ABCC2: variants seen among roughly 807,000 people sequenced by gnomAD.
The protein encoded by ABCC2 is ATP-binding cassette sub-family C member 2.
In ABCC2, 157 loss-of-function variants were observed where a neutral mutation model predicts 173.4. That is an observed-to-expected ratio of 0.91 (90% CI 0.80 to 1.03). The LOEUF (loss-of-function observed/expected upper bound fraction) is 1.03, where lower values mean the gene tolerates loss of function less well. Ranked by LOEUF, ABCC2 falls within the 50% of genes least tolerant of loss-of-function variation. The probability of loss-of-function intolerance (pLI) is 0.00; values close to 1 mark genes in which losing one functional copy is unlikely to be tolerated. For missense variants in ABCC2, 1,822 were observed against 1,852.3 expected (o/e 0.98, Z 0.30); for synonymous variants, 657 against 693.5 (o/e 0.95, Z 0.83).
In ABCC2 at chr10:99,795,765, A is replaced by T. The variant is rs544657117; in HGVS notation, c.632+1297A>T. On this transcript the variant is annotated intron_variant, in intron 6 of 31. Transcript: ENST00000647814. ...AAAGAAAGAAAGAAAGAAAGAAAGA[A>T]AGAAAGAAAGAAAGAAAGAAAGAAA... is the stretch of plus-strand genomic sequence containing the variant. Among the ~76,000 whole-genome samples the T allele has an allele frequency of 1.1e-3, 165 of 145,668 alleles. 2 individuals are homozygous for T. The highest frequency in any genetic ancestry group is 3.7e-3 in the African/African-American group (138 of 37,174).
chr10:99,811,125 G>A (rs986776245), intron 14 of ABCC2, among the ~76,000 whole-genome samples: 1 of 151,790 alleles, frequency 6.6e-6, no homozygotes, highest in Non-Finnish European at 1.5e-5. Context: ...GAGTCCAAGA[G>A]TTCGAGACTA....
chr10:99,795,555 C>T (rs1444817059), intron 6 of ABCC2, among the ~76,000 whole-genome samples: 1 of 151,906 alleles, frequency 6.6e-6, no homozygotes, highest in East Asian at 1.9e-4. Flanking sequence ...AAAAATTAGC[C>T]TGGCATGGTG....
intron 21 of ABCC2, 152 bp downstream of exon 21, chr10:99,831,003 G>A: frequency 1.2e-6 from 1 of 844,048 alleles, no homozygotes; most frequent in South Asian, 1.6e-5. Flanking sequence ...CCTGTTAGCA[G>A]AGGCTGTGGG....
chr10:99,814,767 ATG>A (rs749137933), intron 16 of ABCC2, among the ~76,000 whole-genome samples: 46 of 129,104 alleles, frequency 3.6e-4, no homozygotes, highest in South Asian at 7.3e-4. Flanking sequence ...ACACACATAT[ATG>A]TGTGTGTATG....
intron 29 of ABCC2, among the ~76,000 whole-genome samples, 160 bp downstream of exon 29, chr10:99,845,942 A>G (rs2039010524): frequency 6.6e-6 from 1 of 152,200 alleles, no homozygotes; most frequent in African/African-American, 2.4e-5. Flanking sequence ...CGTCATTTCC[A>G]GAACTTTGAA....
At chr10:99,787,866 C>T (rs2037744070) in intron 2 of ABCC2, among the ~76,000 whole-genome samples, 1 of 151,936 alleles carries the variant, frequency 6.6e-6, no homozygotes, top group Non-Finnish European at 1.5e-5. Context: ...ATTTCGAGAC[C>T]AGCCTGGCCA....
chr10:99,816,228 T>C lies in ABCC2; in HGVS notation c.2095-1080T>C, dbSNP rs200138573. ...TAATCCACCTGCCTCAGCCTCCCAG[T>C]GTGCTGGAATTACAGGCGTGAGCCA... On this transcript the variant is annotated intron_variant, in intron 16 of 31. Transcript: ENST00000647814. Among the ~76,000 whole-genome samples, 3 of 152,024 alleles carry C rather than the reference T, an allele frequency of 2.0e-5. No individual in the cohort carries two copies. In the East Asian group the frequency reaches 5.8e-4, roughly 29 times the overall value.
At chr10:99,794,319 C>T in intron 5 of ABCC2, 94 bp from the exon 6 acceptor site, 1 of 1,179,154 alleles carries the variant, frequency 8.5e-7, no homozygotes, top group South Asian at 1.3e-5. Flanking sequence ...TCTAGCACAA[C>T]ATTATATCAT....
Position 99,831,679 on chromosome 10 carries a change from T to C in ABCC2, c.2952T>C (p.Leu984=), listed in dbSNP as rs2038740939. The part of the protein sequence containing the change: ...IGLFSIFFII[L]AFVMNSVAFI... ...TGTTTTCGATATTCTTCATCATCCT[T>C]GCGTTTGTGATGAATTCTGTGGCTT... Residue 984 remains leucine (L), a synonymous_variant, in exon 22 of 32, where the codon CTT becomes CTC. Transcript: ENST00000647814. 1 of 1,614,170 alleles carries C rather than the reference T, an allele frequency of 6.2e-7. No homozygotes were observed. Among genetic ancestry groups the C allele is most frequent in the East Asian group, 2.2e-5 (1 of 44,886 alleles).
chr10:99,801,497 A>G (rs1249062866), intron 9 of ABCC2, among the ~76,000 whole-genome samples: 1 of 152,116 alleles, frequency 6.6e-6, no homozygotes, highest in Non-Finnish European at 1.5e-5. Context: ...CAGCCTCCCA[A>G]AGTGCTGGGA....
Position 99,800,475 on chromosome 10 carries a change from A to G in ABCC2, c.1121A>G (p.Gln374Arg), listed in dbSNP as rs767269895. The stretch of plus-strand genomic sequence containing the variant: ...CTCTTATTCACTGCGGCTCTCATTC[A>G]GTCTTTCTGCCTTCAGTGTTATTTC... ...AILLFTAALI[Q>R]SFCLQCYFQL... Residue 374 changes from glutamine to arginine, a missense_variant, in exon 9 of 32, where the codon CAG becomes CGG. Transcript: ENST00000647814. 1 of 1,614,212 alleles carries G rather than the reference A, an allele frequency of 6.2e-7. No homozygotes were observed. The highest frequency in any genetic ancestry group is 8.5e-7 in the Non-Finnish European group (1 of 1,180,038).
At chr10:99,821,914 A>G (rs1273932981) in intron 19 of ABCC2, among the ~76,000 whole-genome samples, 3 of 151,988 alleles carry the variant, frequency 2.0e-5, no homozygotes, top group African/African-American at 7.2e-5. Context: ...GAATCTACTG[A>G]TGGGACTGAC....
chr10:99,798,943 C>G (rs1312705003), intron 7 of ABCC2, among the ~76,000 whole-genome samples: 2 of 152,276 alleles, frequency 1.3e-5, no homozygotes, highest in East Asian at 3.9e-4. Flanking sequence ...CAGGCCCCCA[C>G]GCAGATGGGT....
chr10:99,848,912 A>G (rs944591212), intron 30 of ABCC2, among the ~76,000 whole-genome samples: 2 of 152,158 alleles, frequency 1.3e-5, no homozygotes, highest in African/African-American at 4.8e-5. Context: ...AGATCATTCA[A>G]ACATTCAGTC....
intron 9 of ABCC2, among the ~76,000 whole-genome samples, chr10:99,802,499 GT>G (rs56720847): frequency 0.94 from 138,830 of 147,342 alleles, 65,391 homozygotes; most frequent in East Asian, 1. Context: ...GTTAGTTGTT[GT>G]TTTTTTTTTT....
Position 99,850,811 on chromosome 10 carries a change from A to T in ABCC2, c.4508+15A>T. 1.9e-6 allele frequency: 3 copies of T among 1,613,926 alleles called. No individual in the cohort carries two copies. The highest frequency in any genetic ancestry group is 2.2e-5 in the South Asian group (2 of 91,086). On this transcript the variant is annotated intron_variant, in intron 31 of 31. Coordinates refer to ENST00000647814, the MANE Select transcript of ABCC2 (RefSeq NM_000392.5). ...GACAGTGACAAGTGAGTGTAGGGGGACAGGGCTTGACACGGATGGCTTAAC... is the reference window on the plus strand; with the variant it reads ...GACAGTGACAAGTGAGTGTAGGGGGTCAGGGCTTGACACGGATGGCTTAAC...
chr10:99,843,583 G>A lies in ABCC2; in HGVS notation c.3742-216G>A, dbSNP rs1020607527. 5.3e-5 allele frequency among the ~76,000 whole-genome samples: 8 copies of A among 152,180 alleles called. No homozygotes were observed. In the South Asian group the frequency reaches 6.2e-4, roughly 12 times the overall value. On this transcript the variant is annotated intron_variant, in intron 26 of 31. Coordinates refer to ENST00000647814, the MANE Select transcript of ABCC2 (RefSeq NM_000392.5). ...CCACTAGACACTCACATTGCCCTTC[G>A]CGTGAGCACCTAATTAGTCTGCAGC... is the stretch of plus-strand genomic sequence containing the variant.
intron 2 of ABCC2, chr10:99,789,531 A>G (rs909061241): frequency 6.6e-6 from 1 of 152,412 alleles, no homozygotes; most frequent in Admixed American, 6.5e-5. Flanking sequence ...TCTGGGCAAC[A>G]TGGTGAAACC....
In ABCC2 at chr10:99,810,311, G is replaced by T. The variant is rs1590159788; in HGVS notation, c.1900+93G>T. 1.8e-5 allele frequency: 17 copies of T among 927,746 alleles called. No individual in the cohort carries two copies. In the East Asian group the frequency reaches 4.4e-4, roughly 24 times the overall value. 57.5% of individuals were successfully genotyped at this position (927,746 alleles called of 1,614,324 possible). Reference sequence around the variant, plus strand: ...AGAGCTTAGTAGCAGCAAACTGAGAGAGAGTGTGGAGATTTGTCTTGAGCC... The same window carrying T: ...AGAGCTTAGTAGCAGCAAACTGAGATAGAGTGTGGAGATTTGTCTTGAGCC... On this transcript the variant is annotated intron_variant, in intron 14 of 31. Transcript: ENST00000647814.
Sources: allele counts gnomAD v4.1 joint callset (sites outside exome capture counted in the v4.1 genomes callset), GRCh38; gene constraint gnomAD v4.1.1; transcripts MANE v1.5; gene names NCBI Gene and HGNC (gene_info 2026-07-23, HGNC 2026-07-21).